The following ALDH4A1 variants were observed in gnomAD, a reference collection of about 807,000 sequenced individuals.
ALDH4A1 encodes aldehyde dehydrogenase 4 family member A1.
ALDH4A1 carries 46 observed loss-of-function variants against 70.5 expected under a neutral mutation model. The observed-to-expected ratio is 0.65, with a 90% confidence interval of 0.51 to 0.83. The LOEUF (loss-of-function observed/expected upper bound fraction) is 0.83, where lower values mean the gene tolerates loss of function less well. Ranked by LOEUF, ALDH4A1 falls within the 40% of genes least tolerant of loss-of-function variation. The probability of loss-of-function intolerance (pLI) is 0.00; values close to 1 mark genes in which losing one functional copy is unlikely to be tolerated. For missense variants in ALDH4A1, 749 were observed against 766.5 expected, an observed-to-expected ratio of 0.98 and a Z score of 0.27; for synonymous variants, 323 against 324.3, an observed-to-expected ratio of 1.00 and a Z score of 0.04.
At chr1:18,876,842 CAT>C (rs1290217121) in intron 11 of ALDH4A1, among the ~76,000 whole-genome samples, 17 of 152,234 alleles carry the variant, frequency 1.1e-4, no homozygotes, top group African/African-American at 3.6e-4. Flanking sequence ...GACTTATCGA[CAT>C]ATGCGTGTGT....
At chr1:18,874,936 T>C (rs917973504) in intron 13 of ALDH4A1, among the ~76,000 whole-genome samples, 7 of 152,204 alleles carry the variant, frequency 4.6e-5, no homozygotes, top group African/African-American at 7.2e-5. Flanking sequence ...CACTTTCTCA[T>C]AGAGGCAGAC....
In ALDH4A1 at chr1:18,890,030, C is replaced by A; in HGVS notation, c.138G>T (p.Glu46Asp). Residue 46 changes from glutamate to aspartate, a missense_variant, in exon 2 of 15, where the codon GAG (glutamate) becomes GAT (aspartate). Glu to Asp is a conservative substitution (Grantham distance 45). Transcript: ENST00000375341. ...PVLAFTQGSPERDALQKALKD... is the reference protein window; with the variant it reads ...PVLAFTQGSPDRDALQKALKD... Reference sequence around the variant, plus strand: ...CCATTACCTTTTGCAGGGCATCTCGCTCAGGGCTGCCCTGCGTGAAGGCTA... The same window carrying A: ...CCATTACCTTTTGCAGGGCATCTCGATCAGGGCTGCCCTGCGTGAAGGCTA... The A allele has an allele frequency of 6.2e-7, 1 of 1,611,352 alleles. No individual in the cohort carries two copies. Among genetic ancestry groups the A allele is most frequent in the Non-Finnish European group, 8.5e-7 (1 of 1,178,986 alleles).
At chr1:18,893,683 T>C (rs1057131151) in intron 1 of ALDH4A1, among the ~76,000 whole-genome samples, 1 of 152,148 alleles carries the variant, frequency 6.6e-6, no homozygotes, top group Non-Finnish European at 1.5e-5. Context: ...TTTGTATTTT[T>C]AGTAGAGATG....
At chr1:18,894,865 C>CTTTTTTTTTTTTTTTTT (rs34445898) in intron 1 of ALDH4A1, among the ~76,000 whole-genome samples, 5 of 109,966 alleles carry the variant, frequency 4.5e-5, no homozygotes, top group Non-Finnish European at 5.5e-5. Context: ...TTCTTTCTTT[C>CTTTTTTTTTTTTTTTTT]TTTTTTTTTT....
rs772730217 is a variant in ALDH4A1 at position 18,877,592 on chromosome 1, G to T, written c.961C>A (p.His321Asn). ...ACGTCGGCCGAGCGGTGCACGAAGT[G>T]GAAGTTCTTTCCGCCGCACTCTACA... ...LAGECGGKNF[H>N]FVHRSADVES... The change falls in exon 10 of 15, where the codon CAC (histidine) becomes AAC (asparagine). Residue 321 changes from histidine (H) to asparagine (N), a missense_variant. By Grantham distance (68) the His-to-Asn change is moderately conservative. Coordinates refer to ENST00000375341, the MANE Select transcript of ALDH4A1 (RefSeq NM_003748.4). 5 of 1,519,836 alleles carry T rather than the reference G, an allele frequency of 3.3e-6. No individual in the cohort carries two copies. Among genetic ancestry groups the T allele is most frequent in the Non-Finnish European group, 4.5e-6 (5 of 1,122,390 alleles). The allele number at this position is 1,519,836 out of a possible 1,614,324, so 94.1% of individuals were successfully genotyped here. A position where few individuals can be genotyped will look rare whatever the true frequency, so the allele number is the denominator to read the frequency against.
chr1:18,879,459 G>T, intron 8 of ALDH4A1, 86 bp from the exon 9 acceptor site: 2 of 1,209,950 alleles, frequency 1.7e-6, no homozygotes, highest in Non-Finnish European at 2.4e-6. Context: ...ATTGCCGGGG[G>T]CAGCCCAGCA....
intron 1 of ALDH4A1, among the ~76,000 whole-genome samples, chr1:18,900,664 C>T (rs1310145933): frequency 3.3e-5 from 5 of 152,188 alleles, no homozygotes; most frequent in Non-Finnish European, 7.3e-5. Context: ...GTTGAGAAAT[C>T]CTGTCTAGGG....
chr1:18,899,190 T>C (rs1231326968), intron 1 of ALDH4A1, among the ~76,000 whole-genome samples: 1 of 152,014 alleles, frequency 6.6e-6, no homozygotes. Flanking sequence ...TAAGGAATGG[T>C]GGGAAATGCC....
intron 14 of ALDH4A1, 92 bp from the exon 15 acceptor site, chr1:18,873,049 A>G: frequency 1.7e-6 from 2 of 1,145,186 alleles, no homozygotes; most frequent in Non-Finnish European, 2.6e-6. Flanking sequence ...ACGGACCAGC[A>G]GTGTAGCGGC....
At chr1:18,890,646 G>C (rs973606202) in intron 1 of ALDH4A1, 9 of 977,264 alleles carry the variant, frequency 9.2e-6, no homozygotes, top group Non-Finnish European at 1.1e-5. Context: ...TGCCTCCTGT[G>C]AACGTGGTTC....
Position 18,880,126 on chromosome 1 carries a change from C to T in ALDH4A1, c.867-753G>A, listed in dbSNP as rs1014358095. On this transcript the variant is annotated intron_variant, in intron 8 of 14. Coordinates refer to ENST00000375341, the MANE Select transcript of ALDH4A1 (RefSeq NM_003748.4). This position sits in a 1 kb window ranked among gnomAD's most constrained non-coding sequence, Gnocchi z 5.1. The stretch of plus-strand genomic sequence containing the variant: ...CTGGCAGAGCAGGCCTTTTGGAAAA[C>T]GGCCCTTCTCAGCAGTTCTAACGCT... Among the ~76,000 whole-genome samples, 3 of 152,132 alleles carry T rather than the reference C, an allele frequency of 2.0e-5. No homozygotes were observed. The highest frequency in any genetic ancestry group is 7.2e-5 in the African/African-American group (3 of 41,424).
At chr1:18,883,562 C>T (rs924102188) in intron 5 of ALDH4A1, 134 bp from the exon 6 acceptor site, 21 of 1,266,560 alleles carry the variant, frequency 1.7e-5, no homozygotes, top group South Asian at 2.6e-5. Flanking sequence ...GGAGGGCTCA[C>T]CAGGTCCCAT....
At chr1:18,900,900 T>C in intron 1 of ALDH4A1, 1 of 985,198 alleles carries the variant, frequency 1.0e-6, no homozygotes, top group Non-Finnish European at 1.2e-6. Flanking sequence ...CCCATGGTGC[T>C]TGATTGCTTG....
At chr1:18,891,718 C>T (rs937997596) in intron 1 of ALDH4A1, among the ~76,000 whole-genome samples, 4 of 152,088 alleles carry the variant, frequency 2.6e-5, no homozygotes, top group Admixed American at 6.6e-5. Context: ...TGTTTTTGTC[C>T]GTGCTTAGAC....
intron 5 of ALDH4A1, 38 bp downstream of exon 5, chr1:18,885,431 ACCCC>A: frequency 1.5e-4 from 70 of 478,886 alleles, no homozygotes; most frequent in Middle Eastern, 6.0e-4. Flanking sequence ...CCTGACTCCC[ACCCC>A]ACCCCGCCCC....
rs939856985 is a variant in ALDH4A1 at position 18,879,186 on chromosome 1, A to G, written c.940+114T>C. On this transcript the variant is annotated intron_variant, in intron 9 of 14. Transcript: ENST00000375341. ...CTACTGGGCAGTGCTGGTGCCTGAA[A>G]TGGTTCATCCACCTGACTTGTGGCT... The G allele has an allele frequency of 7.5e-6, 8 of 1,059,862 alleles. No homozygotes were observed. The African/African-American group carries it at 1.3e-4, about 17-fold the overall frequency. The allele number at this position is 1,059,862 out of a possible 1,614,324, so 65.7% of individuals were successfully genotyped here.
rs201079601 is a variant in ALDH4A1, at chr1:18,877,198, C to T, written c.1185+10G>A. ...CCCCCACCCAGGAACGCCCACTTCC[C>T]ACCCCGTACCTTGGCATCAATCACT... is the stretch of plus-strand genomic sequence containing the variant. On this transcript the variant is annotated intron_variant, in intron 11 of 14. Coordinates refer to ENST00000375341, the MANE Select transcript of ALDH4A1 (RefSeq NM_003748.4). The T allele has an allele frequency of 1.6e-3, 2,584 of 1,607,430 alleles. 34 individuals carry two copies. The highest frequency in any genetic ancestry group is 4.8e-4 in the Non-Finnish European group (560 of 1,176,756).
At chr1:18,877,348 G>A (rs546153073) in intron 10 of ALDH4A1, 68 bp downstream of exon 10, 2 of 1,553,814 alleles carry the variant, frequency 1.3e-6, no homozygotes, top group Non-Finnish European at 8.7e-7. Flanking sequence ...GGCTGCAGAG[G>A]AGCCTCCCAG....
intron 7 of ALDH4A1, chr1:18,882,663 C>T (rs753727197): frequency 1.8e-6 from 1 of 543,292 alleles, no homozygotes; most frequent in Admixed American, 1.9e-5. Flanking sequence ...GTCACAACTC[C>T]CTCTCGAAGC....
Sources: allele counts gnomAD v4.1 joint callset (sites outside exome capture counted in the v4.1 genomes callset), GRCh38; gene constraint gnomAD v4.1.1; non-coding constraint Gnocchi (gnomAD v3.1); transcripts MANE v1.5; gene names NCBI Gene and HGNC (gene_info 2026-07-23, HGNC 2026-07-21).